The following MIGA1 variants were observed in gnomAD, a reference collection of about 807,000 sequenced individuals.
MIGA1 encodes mitoguardin 1, also known as family with sequence similarity 73, member A.
A neutral mutation model predicts 82.0 loss-of-function variants in MIGA1; 58 were observed. The observed-to-expected ratio is 0.71, with a 90% CI of 0.57 to 0.88. MIGA1 has a LOEUF of 0.88. Among genes scored for constraint, MIGA1 ranks in the 40% least tolerant of loss-of-function variants. The pLI is 0.00. For missense variants in MIGA1, 751 were observed against 749.1 expected, an observed-to-expected ratio of 1.00 and a Z score of -0.03; for synonymous variants, 249 against 253.6, an observed-to-expected ratio of 0.98 and a Z score of 0.17.
intron 8 of MIGA1, among the ~76,000 whole-genome samples, chr1:77,844,284 A>G (rs1684755514): frequency 2.7e-5 from 2 of 75,156 alleles, no homozygotes; most frequent in Non-Finnish European, 8.6e-5. Flanking sequence ...TAGAAATGTT[A>G]TAAAGCTATA....
chr1:77,845,283 T>A (rs900234989), intron 8 of MIGA1, among the ~76,000 whole-genome samples: 1 of 152,216 alleles, frequency 6.6e-6, no homozygotes, highest in African/African-American at 2.4e-5. Flanking sequence ...CTCTTCCTTT[T>A]ACTGTTCATT....
At chr1:77,862,167 T>TC (rs1168443409) in intron 12 of MIGA1, 2 of 108,542 alleles carry the variant, frequency 1.8e-5, no homozygotes, top group African/African-American at 8.0e-5. Flanking sequence ...TAGATATTGG[T>TC]CAGGCATGGT....
chr1:77,859,439 G>A, intron 10 of MIGA1, 53 bp downstream of exon 10: 1 of 1,206,406 alleles, frequency 8.3e-7, no homozygotes. Flanking sequence ...CCACCCTCAT[G>A]CTGTAGAGTC....
rs1322913221 is a variant in MIGA1 at position 77,876,716 on chromosome 1, T to G, written c.*1652T>G. The G allele has an allele frequency of 6.6e-6, 1 of 152,152 alleles. No individual in the cohort carries two copies. 9.4% of individuals were successfully genotyped at this position (152,152 alleles called of 1,614,324 possible). On this transcript the variant is annotated 3_prime_UTR_variant, in exon 16 of 16. Coordinates refer to ENST00000370791, the MANE Select transcript of MIGA1 (RefSeq NM_198549.4). The stretch of plus-strand genomic sequence containing the variant: ...TCTTATTGACATTTTAAAGAAGAGT[T>G]TTTTCCTCCCTGGAATGTAAAACAA...
rs1646917277 is a variant in MIGA1, at chr1:77,879,194, TA to T, written c.*4131del. 6.6e-6 allele frequency: 1 copy of T among 152,460 alleles called. No homozygotes were observed. Among genetic ancestry groups the T allele is most frequent in the Admixed American group, 6.5e-5 (1 of 15,284 alleles). The allele number at this position is 152,460 out of a possible 1,614,324, so 9.4% of individuals were successfully genotyped here. ...TATTTGATGTAAATTTCAAAATGAT[TA>T]TAGGAATTAAGCTGAATTCTAATTT... On this transcript the variant is annotated 3_prime_UTR_variant, in exon 16 of 16. Transcript: ENST00000370791.
intron 5 of MIGA1, among the ~76,000 whole-genome samples, chr1:77,808,020 A>G (rs1271588887): frequency 1.3e-5 from 2 of 151,620 alleles, no homozygotes; most frequent in Admixed American, 1.3e-4. Flanking sequence ...GGGTTTCACC[A>G]TGTTAGCCAG....
intron 1 of MIGA1, among the ~76,000 whole-genome samples, chr1:77,782,206 A>G (rs1327971987): frequency 1.3e-5 from 2 of 152,160 alleles, no homozygotes; most frequent in East Asian, 3.9e-4. Context: ...ATACAGCACT[A>G]CCCAAATAAA....
chr1:77,875,082 C>G lies in MIGA1; in HGVS notation c.*18C>G. ...TACAATAAGTACCATAAGAATCATA[C>G]AATTTGAGTGTGCTATGAAATATTT... On this transcript the variant is annotated 3_prime_UTR_variant, in exon 16 of 16. Transcript: ENST00000370791. 1 of 1,544,564 alleles carries G rather than the reference C, an allele frequency of 6.5e-7. No individual in the cohort carries two copies. Among genetic ancestry groups the G allele is most frequent in the Non-Finnish European group, 8.9e-7 (1 of 1,118,762 alleles).
chr1:77,839,521 C>T (rs975230839), intron 7 of MIGA1, among the ~76,000 whole-genome samples: 1 of 151,802 alleles, frequency 6.6e-6, no homozygotes, highest in Non-Finnish European at 1.5e-5. Context: ...TAGGTGTGCA[C>T]CACCACGCCC....
At chr1:77,848,559 C>A in intron 8 of MIGA1, 1 of 1,337,198 alleles carries the variant, frequency 7.5e-7, no homozygotes, top group Non-Finnish European at 1.0e-6. Flanking sequence ...AAATGAGAAA[C>A]ATGACAAAAG....
intron 2 of MIGA1, among the ~76,000 whole-genome samples, chr1:77,791,252 A>AC (rs1386994146): frequency 8.6e-5 from 13 of 150,846 alleles, no homozygotes; most frequent in African/African-American, 2.9e-4. Context: ...TTAAAAAAAA[A>AC]AAAAAAAAAA....
At chr1:77,848,842 CT>C (rs1405872691) in intron 8 of MIGA1, 1 of 1,087,600 alleles carries the variant, frequency 9.2e-7, no homozygotes, top group African/African-American at 1.6e-5. Context: ...GCACAGAAAA[CT>C]GTAATTCCTG....
rs371016310 is a variant in MIGA1 at position 77,862,462 on chromosome 1, A to G, written c.1374+1140A>G. On this transcript the variant is annotated intron_variant, in intron 12 of 15. Coordinates refer to ENST00000370791, the MANE Select transcript of MIGA1 (RefSeq NM_198549.4). ...ACTCTGGCTCAAAAAATATATAGAT[A>G]TAGATATCGGTCCGGCATGGTGGCT... 2.7e-5 allele frequency among the ~76,000 whole-genome samples: 4 copies of G among 150,404 alleles called. No individual in the cohort carries two copies. The South Asian group carries it at 6.3e-4, about 24-fold the overall frequency.
chr1:77,799,832 A>T (rs1682802718), intron 2 of MIGA1, among the ~76,000 whole-genome samples: 1 of 148,904 alleles, frequency 6.7e-6, no homozygotes. Context: ...AAGACTGGCT[A>T]GAGGTTTTAT....
At position 77,813,617 on chromosome 1, in the gene MIGA1, T is replaced by C. The variant is rs144936909; in HGVS notation, c.638-117T>C. 6.3e-4 allele frequency: 665 copies of C among 1,056,212 alleles called. 2 individuals carry two copies. The African/African-American group carries it at 8.9e-3, about 14-fold the overall frequency. The allele number at this position is 1,056,212 out of a possible 1,614,324, so 65.4% of individuals were successfully genotyped here. On this transcript the variant is annotated intron_variant, in intron 5 of 15. Coordinates refer to ENST00000370791, the MANE Select transcript of MIGA1 (RefSeq NM_198549.4). ...TGTCATGAAATGATGTATGATTCTT[T>C]AGTGTCAAAATTAGACTGTGACATC...
rs529823949 is a variant in MIGA1, at chr1:77,789,164, T to C, written c.195+5813T>C. ...TTAATTCCTAAGTATTGTATTCTTTTGGATAATAATCTAAATGGAATTGTG... is the reference window on the plus strand; with the variant it reads ...TTAATTCCTAAGTATTGTATTCTTTCGGATAATAATCTAAATGGAATTGTG... On this transcript the variant is annotated intron_variant, in intron 2 of 15. Transcript: ENST00000370791. Among the ~76,000 whole-genome samples, 6 of 151,492 alleles carry C rather than the reference T, an allele frequency of 4.0e-5. No homozygotes were observed. The South Asian group carries it at 8.3e-4, about 21-fold the overall frequency.
At chr1:77,809,192 G>A (rs1683218738) in intron 5 of MIGA1, among the ~76,000 whole-genome samples, 1 of 152,024 alleles carries the variant, frequency 6.6e-6, no homozygotes, top group South Asian at 2.1e-4. Flanking sequence ...AACTAGAGAC[G>A]CCACAGGGGG....
chr1:77,795,873 A>C (rs373272612), intron 2 of MIGA1, among the ~76,000 whole-genome samples: 1 of 151,472 alleles, frequency 6.6e-6, no homozygotes, highest in South Asian at 2.1e-4. Flanking sequence ...ACCTCAAGCT[A>C]TCCACCCGCC....
At chr1:77,838,577 A>G (rs1228367443) in intron 7 of MIGA1, among the ~76,000 whole-genome samples, 3 of 152,076 alleles carry the variant, frequency 2.0e-5, no homozygotes, top group Non-Finnish European at 4.4e-5. Flanking sequence ...ACTCCTAAGT[A>G]GCTGGGGTTA....
Sources: allele counts gnomAD v4.1 joint callset (sites outside exome capture counted in the v4.1 genomes callset), GRCh38; gene constraint gnomAD v4.1.1; transcripts MANE v1.5; gene names NCBI Gene and HGNC (gene_info 2026-07-23, HGNC 2026-07-21).